FAHD2A: variants seen among roughly 807,000 people sequenced by gnomAD.
The protein encoded by FAHD2A is fumarylacetoacetate hydrolase domain containing 2A, also known as oxaloacetate tautomerase FAHD2A, mitochondrial.
A neutral mutation model predicts 33.4 loss-of-function variants in FAHD2A; 27 were observed. The ratio of observed to expected loss-of-function variants is 0.81; its 90% CI spans 0.60 to 1.11. FAHD2A has a LOEUF of 1.11. FAHD2A is among the 50% of genes most tolerant of loss of function. The pLI is 0.00. For synonymous variants in FAHD2A, 130 were observed against 153.3 expected, an observed-to-expected ratio of 0.85 and a Z score of 1.12; for missense variants, 296 against 395.0, an observed-to-expected ratio of 0.75 and a Z score of 2.12.
Position 95,405,622 on chromosome 2 carries a change from C to T in FAHD2A, c.64C>T (p.Gln22Ter). Residue 22 changes from glutamine (Q) to a stop codon, truncating the protein, a stop_gained, in exon 2 of 8, where the codon CAA becomes TAA. Coordinates refer to ENST00000233379, the MANE Select transcript of FAHD2A (RefSeq NM_016044.3). LOFTEE classifies it high-confidence loss of function. ...GCTGCAGGCTCAGAAGTGGCCCTTT[C>T]AACCCTCCAGAGACATGAGACTAGT... ...VLLQAQKWPF[Q>*]PSRDMRLVQF... The T allele has an allele frequency of 6.2e-7, 1 of 1,614,136 alleles. No individual in the cohort carries two copies. The highest frequency in any genetic ancestry group is 8.5e-7 in the Non-Finnish European group (1 of 1,179,970).
In FAHD2A at chr2:95,405,649, C is replaced by T; in HGVS notation, c.91C>T (p.Gln31Ter). 6.2e-7 allele frequency: 1 copy of T among 1,614,106 alleles called. No individual in the cohort carries two copies. The highest frequency in any genetic ancestry group is 8.5e-7 in the Non-Finnish European group (1 of 1,180,026). The change falls in exon 2 of 8, where the codon CAG becomes TAG. Residue 31 changes from glutamine to a stop codon, truncating the protein, a stop_gained. Transcript: ENST00000233379. LOFTEE classifies it high-confidence loss of function. ...FQPSRDMRLV[Q>*]FRAPHLVGPH... ...ACCCTCCAGAGACATGAGACTAGTG[C>T]AGTTCCGGGCACCCCACCTGGTGGG...
chr2:95,419,365 CAG>C (rs139144704), downstream of FAHD2A, among the ~76,000 whole-genome samples: 23 of 151,318 alleles, frequency 1.5e-4, 1 homozygote, highest in African/African-American at 4.9e-4. Flanking sequence ...AATCTAGAGA[CAG>C]AGAGAGAGAG....
At position 95,412,772 on chromosome 2, in the gene FAHD2A, A is replaced by C. The variant is rs1207870160; in HGVS notation, c.882+8A>C. On this transcript the variant is annotated splice_region_variant and intron_variant, in intron 7 of 7. Transcript: ENST00000233379. ...CCTCCTGTCTTTCTCAAGGTAGGTTAGCGAAAAGCAAAGAGCAAGGGCCCC... is the reference window on the plus strand; with the variant it reads ...CCTCCTGTCTTTCTCAAGGTAGGTTCGCGAAAAGCAAAGAGCAAGGGCCCC... 6.8e-6 allele frequency: 11 copies of C among 1,614,092 alleles called. No individual in the cohort carries two copies. Among genetic ancestry groups the C allele is most frequent in the Non-Finnish European group, 9.3e-6 (11 of 1,180,030 alleles).
At chr2:95,405,946 A>G (rs1272285307) in intron 2 of FAHD2A, 143 bp downstream of exon 2, 1 of 1,215,904 alleles carries the variant, frequency 8.2e-7, no homozygotes, top group Non-Finnish European at 1.1e-6. Flanking sequence ...TTCTCTTAAA[A>G]GATCCTTAGA....
chr2:95,417,561 G>A (rs575197280), downstream of FAHD2A, among the ~76,000 whole-genome samples: 3 of 152,258 alleles, frequency 2.0e-5, no homozygotes, highest in Admixed American at 1.3e-4. Context: ...TCTAAAACTA[G>A]GCCTGGAGCT....
chr2:95,404,667 G>A lies in FAHD2A; in HGVS notation c.-6-886G>A, dbSNP rs150641355. ...GCTTTCCCAAGTAGTGAAATGTCAA[G>A]CCCCTGCTTCTGTCACTTATTTGTT... On this transcript the variant is annotated intron_variant, in intron 1 of 7. Coordinates refer to ENST00000233379, the MANE Select transcript of FAHD2A (RefSeq NM_016044.3). Among the ~76,000 whole-genome samples the A allele has an allele frequency of 9.2e-5, 14 of 152,304 alleles. No individual in the cohort carries two copies. In the East Asian group the frequency reaches 2.7e-3, roughly 29 times the overall value.
intron 3 of FAHD2A, among the ~76,000 whole-genome samples, chr2:95,408,441 C>T (rs149686513): frequency 4.6e-5 from 7 of 152,146 alleles, no homozygotes; most frequent in Non-Finnish European, 7.4e-5. Flanking sequence ...AAGACATATC[C>T]GAGACTGAGC....
chr2:95,413,758 G>C lies in FAHD2A; in HGVS notation c.*801G>C. 2.8e-6 allele frequency: 2 copies of C among 714,540 alleles called. No homozygotes were observed. The highest frequency in any genetic ancestry group is 2.3e-6 in the Non-Finnish European group (1 of 426,640). The allele number at this position is 714,540 out of a possible 1,614,324, so 44.3% of individuals were successfully genotyped here. A position where few individuals can be genotyped will look rare whatever the true frequency, so the allele number is the denominator to read the frequency against. On this transcript the variant is annotated 3_prime_UTR_variant, in exon 8 of 8. Coordinates refer to ENST00000233379, the MANE Select transcript of FAHD2A (RefSeq NM_016044.3). The stretch of plus-strand genomic sequence containing the variant: ...AGAAGGATGAGCCAGTGATTTGGGA[G>C]ACCAAGAGGCAGGAAACCATCCCAC...
chr2:95,406,932 T>C lies in FAHD2A; in HGVS notation c.246-9T>C. On this transcript the variant is annotated splice_polypyrimidine_tract_variant and intron_variant, in intron 2 of 7. Coordinates refer to ENST00000233379, the MANE Select transcript of FAHD2A (RefSeq NM_016044.3). ...AGCCAGACCCTCTCACCTGCTCTGG[T>C]CTCTACAGAGCCCTGGCTGCCCAGT... 4 of 1,608,770 alleles carry C rather than the reference T, an allele frequency of 2.5e-6. No individual in the cohort carries two copies. The highest frequency in any genetic ancestry group is 3.4e-6 in the Non-Finnish European group (4 of 1,177,268).
intron 1 of FAHD2A, among the ~76,000 whole-genome samples, chr2:95,403,743 A>G (rs991531877): frequency 6.6e-6 from 1 of 152,198 alleles, no homozygotes; most frequent in Non-Finnish European, 1.5e-5. Context: ...ACCTTGGGCA[A>G]ATCTCTTAAC....
rs932951825 is a variant in FAHD2A at position 95,415,611 on chromosome 2, A to G, written c.*2654A>G. 10 of 152,746 alleles carry G rather than the reference A, an allele frequency of 6.5e-5. No homozygotes were observed. The highest frequency in any genetic ancestry group is 2.4e-4 in the African/African-American group (10 of 41,570). 9.5% of individuals were successfully genotyped at this position (152,746 alleles called of 1,614,324 possible). On this transcript the variant is annotated 3_prime_UTR_variant, in exon 8 of 8. Coordinates refer to ENST00000233379, the MANE Select transcript of FAHD2A (RefSeq NM_016044.3). ...TGTCAGGCAGGCGGCAACACTCTCC[A>G]TGTATCACTCGCCAGCCGTGCAGTC...
downstream of FAHD2A, among the ~76,000 whole-genome samples, chr2:95,420,296 G>C (rs1347966048): frequency 3.3e-5 from 5 of 152,090 alleles, no homozygotes; most frequent in Non-Finnish European, 7.3e-5. Flanking sequence ...ACATACAGCA[G>C]GTCACTCATG....
chr2:95,420,111 CAATT>C (rs1198263498), downstream of FAHD2A, among the ~76,000 whole-genome samples: 5 of 152,074 alleles, frequency 3.3e-5, no homozygotes, highest in African/African-American at 9.7e-5. Flanking sequence ...TTCAGGCCCT[CAATT>C]GATTGGAACT....
chr2:95,407,300 A>G, intron 3 of FAHD2A, 143 bp downstream of exon 3: 3 of 1,253,692 alleles, frequency 2.4e-6, no homozygotes, highest in Non-Finnish European at 3.3e-6. Context: ...CAGTAGTAAC[A>G]CTGGCCTTGG....
chr2:95,416,816 C>T (rs1683200273), downstream of FAHD2A, among the ~76,000 whole-genome samples: 1 of 152,230 alleles, frequency 6.6e-6, no homozygotes. Flanking sequence ...GATACCCACA[C>T]AAAGGCTTGG....
chr2:95,406,348 A>G (rs1480596984), intron 2 of FAHD2A, among the ~76,000 whole-genome samples: 1 of 147,416 alleles, frequency 6.8e-6, no homozygotes, highest in African/African-American at 2.6e-5. Flanking sequence ...CATCTATTAA[A>G]ATGGAAAAAA....
intron 1 of FAHD2A, among the ~76,000 whole-genome samples, chr2:95,404,460 G>GT (rs1256689131): frequency 6.6e-6 from 1 of 152,128 alleles, no homozygotes; most frequent in African/African-American, 2.4e-5. Context: ...CACTCGGCGA[G>GT]TTTTTTGTAT....
In FAHD2A at chr2:95,410,479, G is replaced by A. The variant is rs1396064321; in HGVS notation, c.463-48G>A. 8 of 1,578,092 alleles carry A rather than the reference G, an allele frequency of 5.1e-6. 1 individual carries two copies. In the East Asian group the frequency reaches 1.9e-4, roughly 37 times the overall value. On this transcript the variant is annotated intron_variant, in intron 3 of 7. Coordinates refer to ENST00000233379, the MANE Select transcript of FAHD2A (RefSeq NM_016044.3). ...GGTGTGCAGCCTCTCAGCATGGACA[G>A]TGGGCCCTGAAGCCACTGCAGCTCA...
chr2:95,405,448 G>A, intron 1 of FAHD2A, 105 bp from the exon 2 acceptor site: 3 of 1,497,370 alleles, frequency 2.0e-6, no homozygotes, highest in East Asian at 4.6e-5. Flanking sequence ...TGCAGGGAAC[G>A]GTTGATGGGG....
Sources: allele counts gnomAD v4.1 joint callset (sites outside exome capture counted in the v4.1 genomes callset), GRCh38; gene constraint gnomAD v4.1.1; transcripts MANE v1.5; gene names NCBI Gene and HGNC (gene_info 2026-07-23, HGNC 2026-07-21).